Variants in CARF observed in about 807,000 individuals in gnomAD.
CARF encodes the protein calcium-responsive transcription factor.
Under a neutral mutation model 82.0 loss-of-function variants are expected in CARF, and 57 were observed. The observed-to-expected ratio is 0.70, with a 90% CI of 0.56 to 0.87. CARF has a LOEUF of 0.87. Among genes scored for constraint, CARF ranks in the 40% least tolerant of loss-of-function variants. The pLI is 0.00. For synonymous variants in CARF, 268 were observed against 290.1 expected, an observed-to-expected ratio of 0.92 and a Z score of 0.77; for missense variants, 771 against 855.8, an observed-to-expected ratio of 0.90 and a Z score of 1.24.
intron 5 of CARF, among the ~76,000 whole-genome samples, chr2:202,950,073 C>A (rs1380888208): frequency 6.6e-6 from 1 of 152,166 alleles, no homozygotes; most frequent in Admixed American, 6.5e-5. Flanking sequence ...TCTTCAAAAC[C>A]ATGTTTGCTT....
At chr2:202,949,375 G>A (rs909557937) in intron 5 of CARF, among the ~76,000 whole-genome samples, 2 of 151,394 alleles carry the variant, frequency 1.3e-5, no homozygotes, top group African/African-American at 2.4e-5. Flanking sequence ...GTCTCACTCT[G>A]TCACCTAGGC....
intron 3 of CARF, among the ~76,000 whole-genome samples, chr2:202,932,382 C>A (rs1336780387): frequency 6.6e-6 from 1 of 152,100 alleles, no homozygotes; most frequent in Non-Finnish European, 1.5e-5. Flanking sequence ...GGGTCTGTGA[C>A]TCTCAGATAC....
chr2:202,957,753 G>C (rs547323364), intron 8 of CARF, among the ~76,000 whole-genome samples: 2 of 152,024 alleles, frequency 1.3e-5, no homozygotes, highest in Non-Finnish European at 2.9e-5. Flanking sequence ...TCAGGAGTTC[G>C]AGAGCAGCCT....
chr2:202,916,400 C>T (rs1272586867), intron 1 of CARF, among the ~76,000 whole-genome samples: 2 of 152,018 alleles, frequency 1.3e-5, no homozygotes, highest in African/African-American at 4.8e-5. Flanking sequence ...CCAGGATGGT[C>T]TCAATCTCTT....
intron 5 of CARF, among the ~76,000 whole-genome samples, chr2:202,946,427 G>A (rs994765447): frequency 2.0e-5 from 3 of 152,156 alleles, no homozygotes; most frequent in Non-Finnish European, 4.4e-5. Context: ...AAATGGTGCT[G>A]GGAAAACTGG....
At chr2:202,943,354 G>A (rs560664790) in intron 5 of CARF, among the ~76,000 whole-genome samples, 5 of 152,198 alleles carry the variant, frequency 3.3e-5, no homozygotes, top group South Asian at 2.1e-4. Context: ...GATTACAGGC[G>A]TTAGCCACCA....
intron 5 of CARF, among the ~76,000 whole-genome samples, chr2:202,945,456 TC>T (rs1304831905): frequency 2.6e-5 from 4 of 152,106 alleles, no homozygotes; most frequent in African/African-American, 9.7e-5. Context: ...TCAGCTCCTC[TC>T]CCTCCCACCC....
intron 3 of CARF, among the ~76,000 whole-genome samples, chr2:202,926,256 C>T (rs1349172101): frequency 2.0e-5 from 3 of 152,160 alleles, no homozygotes; most frequent in Non-Finnish European, 2.9e-5. Context: ...GGTTCCTAGA[C>T]GACCGCCTCT....
rs1250235788 is a variant in CARF, at chr2:202,986,602, T to C, written c.*2978T>C. ...TGGTGGACCTTTCCCTCAATAGTGA[T>C]TTTTTGTACAAACAGTTAGTATAAT... On this transcript the variant is annotated 3_prime_UTR_variant, in exon 17 of 17. Transcript: ENST00000438828. 1 of 150,394 alleles carries C rather than the reference T, an allele frequency of 6.6e-6. No homozygotes were observed. The highest frequency in any genetic ancestry group is 1.5e-5 in the Non-Finnish European group (1 of 67,074). 9.3% of individuals were successfully genotyped at this position (150,394 alleles called of 1,614,324 possible). A position where few individuals can be genotyped will look rare whatever the true frequency, so the allele number is the denominator to read the frequency against.
chr2:202,973,858 C>T (rs1208950213), intron 12 of CARF, among the ~76,000 whole-genome samples: 1 of 152,062 alleles, frequency 6.6e-6, no homozygotes, highest in Non-Finnish European at 1.5e-5. Context: ...GAGGCCGAGG[C>T]GGGCGGATCG....
At chr2:202,950,700 GAC>G (rs1317155502) in intron 5 of CARF, among the ~76,000 whole-genome samples, 1 of 152,128 alleles carries the variant, frequency 6.6e-6, no homozygotes. Context: ...ACCTCTGTGT[GAC>G]AGTTTCCTCA....
intron 8 of CARF, among the ~76,000 whole-genome samples, chr2:202,959,359 C>A (rs1004849464): frequency 2.0e-5 from 3 of 152,160 alleles, no homozygotes; most frequent in Admixed American, 1.3e-4. Flanking sequence ...ACAGCCACAA[C>A]AGTATTTTGA....
At position 202,957,331 on chromosome 2, in the gene CARF, CT is replaced by C. The variant is rs1310296898; in HGVS notation, c.642+1574del. 2.0e-5 allele frequency among the ~76,000 whole-genome samples: 3 copies of C among 152,174 alleles called. No individual in the cohort carries two copies. In the East Asian group the frequency reaches 5.8e-4, roughly 29 times the overall value. ...TTATTTTTTCCACATTATTTAGCCACTGTAGCTAGCTTCAAAGGCCTTTCAT... is the reference window on the plus strand; with the variant it reads ...TTATTTTTTCCACATTATTTAGCCACGTAGCTAGCTTCAAAGGCCTTTCAT... On this transcript the variant is annotated intron_variant, in intron 8 of 16. Coordinates refer to ENST00000438828, the MANE Select transcript of CARF (RefSeq NM_024744.17).
At chr2:202,946,835 A>G (rs1411551184) in intron 5 of CARF, among the ~76,000 whole-genome samples, 3 of 152,228 alleles carry the variant, frequency 2.0e-5, no homozygotes, top group African/African-American at 7.2e-5. Context: ...ATGAAAAGAC[A>G]CTTTTCCAAA....
At chr2:202,960,348 C>G (rs1574695617) in intron 8 of CARF, among the ~76,000 whole-genome samples, 1 of 151,986 alleles carries the variant, frequency 6.6e-6, no homozygotes, top group South Asian at 2.1e-4. Flanking sequence ...CTCCCAGGTT[C>G]AAGGGATTCT....
intron 3 of CARF, chr2:202,938,536 G>A (rs996859078): frequency 6.6e-6 from 1 of 150,852 alleles, no homozygotes; most frequent in Non-Finnish European, 1.5e-5. Flanking sequence ...CTCCAAAAGT[G>A]TTGGGATTAC....
rs891838043 is a variant in CARF, at chr2:202,949,289, G to A, written c.307-3270G>A. Reference sequence around the variant, plus strand: ...GCAGAGGTTGTGGTGAGCCAAGGTCGTGCCACTGCACTCCATGCACTCCAG... The same window carrying A: ...GCAGAGGTTGTGGTGAGCCAAGGTCATGCCACTGCACTCCATGCACTCCAG... On this transcript the variant is annotated intron_variant, in intron 5 of 16. Transcript: ENST00000438828. Among the ~76,000 whole-genome samples the A allele has an allele frequency of 1.0e-4, 15 of 150,494 alleles. No individual in the cohort carries two copies. The East Asian group carries it at 2.6e-3, about 26-fold the overall frequency.
At chr2:202,941,446 C>T (rs1382770007) in intron 3 of CARF, among the ~76,000 whole-genome samples, 1 of 152,040 alleles carries the variant, frequency 6.6e-6, no homozygotes, top group Non-Finnish European at 1.5e-5. Context: ...TCTCTGTCTA[C>T]ACCAGGATAT....
chr2:202,960,836 AC>A (rs890124284), intron 8 of CARF, among the ~76,000 whole-genome samples: 1 of 146,224 alleles, frequency 6.8e-6, no homozygotes, highest in Non-Finnish European at 1.5e-5. Context: ...ACCTCACTCC[AC>A]CAAAAAAAAT....
Sources: gnomAD v4.1 joint callset for allele counts (sites outside exome capture counted in the v4.1 genomes callset) on GRCh38, gnomAD v4.1.1 for gene constraint, MANE v1.5 for transcripts, NCBI Gene and HGNC (gene_info 2026-07-23, HGNC 2026-07-21) for gene names.